MORC1: variants seen among roughly 807,000 people sequenced by gnomAD.
The protein encoded by MORC1 is MORC family CW-type zinc finger protein 1.
A neutral mutation model predicts 134.9 loss-of-function variants in MORC1; 59 were observed. That is an observed-to-expected ratio of 0.44 (90% CI 0.35 to 0.54). The LOEUF is 0.54. Among genes scored for constraint, MORC1 ranks in the 20% least tolerant of loss-of-function variants. The pLI, the probability that MORC1 is intolerant of heterozygous loss-of-function variation, is 0.00. For synonymous variants in MORC1, 395 were observed against 391.7 expected, an observed-to-expected ratio of 1.01 and a Z score of -0.10; for missense variants, 947 against 1,134.5, an observed-to-expected ratio of 0.83 and a Z score of 2.37.
At chr3:109,029,729 C>A (rs1949193264) in intron 16 of MORC1, among the ~76,000 whole-genome samples, 1 of 152,126 alleles carries the variant, frequency 6.6e-6, no homozygotes, top group Non-Finnish European at 1.5e-5. Flanking sequence ...TCCACCTTAC[C>A]CTCTCCGGGT....
At chr3:108,964,692 T>C (rs181079731) in intron 26 of MORC1, among the ~76,000 whole-genome samples, 8 of 152,276 alleles carry the variant, frequency 5.3e-5, no homozygotes, top group Admixed American at 3.9e-4. Flanking sequence ...GACGTGGAGA[T>C]ATATAGGGTA....
At chr3:109,088,525 C>A (rs921977967) in intron 8 of MORC1, among the ~76,000 whole-genome samples, 3 of 152,102 alleles carry the variant, frequency 2.0e-5, no homozygotes, top group African/African-American at 7.2e-5. Flanking sequence ...CCATCTCACA[C>A]CAGTCAGAAT....
chr3:109,114,644 A>C (rs1380668924), intron 1 of MORC1, among the ~76,000 whole-genome samples: 2 of 152,228 alleles, frequency 1.3e-5, no homozygotes, highest in Non-Finnish European at 2.9e-5. Context: ...CTTTTGCCAA[A>C]ATATCCTGTC....
intron 3 of MORC1, 149 bp from the exon 4 acceptor site, chr3:109,104,066 T>C (rs1950977978): frequency 3.0e-6 from 2 of 670,578 alleles, no homozygotes; most frequent in Admixed American, 2.9e-5. Context: ...AGTGGAGTCT[T>C]GGCTACAGCT....
At chr3:109,008,098 T>G (rs1393293281) in intron 17 of MORC1, among the ~76,000 whole-genome samples, 1 of 152,192 alleles carries the variant, frequency 6.6e-6, no homozygotes, top group Non-Finnish European at 1.5e-5. Flanking sequence ...CTTTAGTGTA[T>G]AAAGAGCTTC....
chr3:109,108,534 T>C (rs943933347), intron 3 of MORC1, among the ~76,000 whole-genome samples: 1 of 152,186 alleles, frequency 6.6e-6, no homozygotes, highest in African/African-American at 2.4e-5. Context: ...ACCTCCCTGC[T>C]ATCCTTGCTT....
chr3:109,010,232 A>G (rs139748293), intron 17 of MORC1, among the ~76,000 whole-genome samples: 76 of 152,300 alleles, frequency 5.0e-4, no homozygotes, highest in Non-Finnish European at 7.5e-4. Flanking sequence ...GCCCATAGGT[A>G]ATAGTTGGTG....
chr3:109,100,930 C>A (rs6805698), intron 4 of MORC1, among the ~76,000 whole-genome samples: 12 of 151,972 alleles, frequency 7.9e-5, no homozygotes, highest in African/African-American at 2.9e-4. Context: ...ACGGAAATAC[C>A]GTGCCATCTT....
At chr3:108,960,245 T>C (rs899340472) in intron 27 of MORC1, among the ~76,000 whole-genome samples, 1 of 152,214 alleles carries the variant, frequency 6.6e-6, no homozygotes, top group Admixed American at 6.5e-5. Flanking sequence ...ACATCTCAAG[T>C]GGTTCAGTTA....
intron 9 of MORC1, among the ~76,000 whole-genome samples, chr3:109,067,114 A>G (rs150957452): frequency 6.6e-6 from 1 of 152,160 alleles, no homozygotes; most frequent in African/African-American, 2.4e-5. Flanking sequence ...CATAGCGTTA[A>G]TGTCCCAGAA....
intron 17 of MORC1, among the ~76,000 whole-genome samples, chr3:109,024,433 T>C (rs1456423355): frequency 1.3e-5 from 2 of 152,226 alleles, no homozygotes; most frequent in Non-Finnish European, 2.9e-5. Flanking sequence ...TTTTCTCCTA[T>C]GGGACAACAT....
rs768768265 is a variant in MORC1, at chr3:109,041,179, C to T, written c.1331-5711G>A. Among the ~76,000 whole-genome samples, 120 of 151,374 alleles carry T rather than the reference C, an allele frequency of 7.9e-4. 1 individual carries two copies. Among genetic ancestry groups the T allele is most frequent in the Middle Eastern group, 6.9e-3 (2 of 290 alleles). On this transcript the variant is annotated intron_variant, in intron 14 of 27. Transcript: ENST00000232603. ...ACAAAAAAATAGCCAGGCGTGGTGG[C>T]GGGCGCCTGTAGTCCCAGCTACTCA...
At chr3:109,031,886 A>T (rs1949249183) in intron 16 of MORC1, among the ~76,000 whole-genome samples, 1 of 152,074 alleles carries the variant, frequency 6.6e-6, no homozygotes, top group South Asian at 2.1e-4. Flanking sequence ...ATACGAAAAA[A>T]CCTGGGCCAT....
At chr3:109,113,920 C>G (rs1389007025) in intron 2 of MORC1, among the ~76,000 whole-genome samples, 2 of 152,160 alleles carry the variant, frequency 1.3e-5, no homozygotes, top group East Asian at 3.8e-4. Context: ...GATATTAATT[C>G]CCATCTCAGA....
intron 4 of MORC1, among the ~76,000 whole-genome samples, chr3:109,101,847 T>G (rs1397930120): frequency 1.3e-5 from 2 of 152,186 alleles, no homozygotes; most frequent in African/African-American, 2.4e-5. Flanking sequence ...ACAGAGCTGA[T>G]AGAGGGTACA....
rs116143096 is a variant in MORC1, at chr3:109,101,895, G to A, written c.224-1388C>T. ...ACCCAAAGTTCTAAGTCTTGGTACA[G>A]ACATGGTATAGCTCTGAACCAAATC... On this transcript the variant is annotated intron_variant, in intron 4 of 27. Transcript: ENST00000232603. 4.3e-3 allele frequency among the ~76,000 whole-genome samples: 661 copies of A among 152,300 alleles called. 14 individuals are homozygous for A. Among genetic ancestry groups the A allele is most frequent in the African/African-American group, 0.015 (632 of 41,558 alleles).
chr3:109,108,599 A>T (rs1020972589), intron 3 of MORC1, among the ~76,000 whole-genome samples: 1 of 152,058 alleles, frequency 6.6e-6, no homozygotes, highest in African/African-American at 2.4e-5. Context: ...ATCTTTCTTT[A>T]AAAAAGAAAA....
chr3:109,102,967 G>C (rs1403068523), intron 4 of MORC1, among the ~76,000 whole-genome samples: 1 of 152,148 alleles, frequency 6.6e-6, no homozygotes, highest in South Asian at 2.1e-4. Context: ...TTCTAAACTT[G>C]CTAATACTCT....
At chr3:108,973,810 G>A (rs1488159009) in intron 24 of MORC1, among the ~76,000 whole-genome samples, 4 of 151,808 alleles carry the variant, frequency 2.6e-5, no homozygotes, top group African/African-American at 9.7e-5. Context: ...ATGTTGCCCA[G>A]GTCTCAAACT....
Sources: allele counts gnomAD v4.1 joint callset (sites outside exome capture counted in the v4.1 genomes callset), GRCh38; gene constraint gnomAD v4.1.1; transcripts MANE v1.5; gene names NCBI Gene and HGNC (gene_info 2026-07-23, HGNC 2026-07-21).